Variants in HDAC11 observed in about 807,000 individuals in gnomAD.
The protein encoded by HDAC11 is histone deacetylase 11.
Under a neutral mutation model 41.1 loss-of-function variants are expected in HDAC11, and 23 were observed. The ratio of observed to expected loss-of-function variants is 0.56; its 90% CI spans 0.40 to 0.79. HDAC11 has a LOEUF of 0.79. Among genes scored for constraint, HDAC11 ranks in the 30% least tolerant of loss-of-function variants. HDAC11 has a pLI of 0.00. For missense variants in HDAC11, 402 were observed against 477.3 expected (o/e 0.84, Z 1.47); for synonymous variants, 187 against 186.6 (o/e 1.00, Z -0.02).
At chr3:13,503,134 G>T (rs957704017) in intron 8 of HDAC11, 154 bp downstream of exon 8, 50 of 547,308 alleles carry the variant, frequency 9.1e-5, no homozygotes, top group African/African-American at 8.7e-4. Flanking sequence ...TGAGGAAACC[G>T]AGACCTGGAG....
chr3:13,503,052 C>A, intron 8 of HDAC11, 72 bp downstream of exon 8: 1 of 1,115,784 alleles, frequency 9.0e-7, no homozygotes, highest in Non-Finnish European at 1.4e-6. Context: ...TGTCTCCTGT[C>A]TGCTAGGCCC....
At chr3:13,481,521 C>T (rs2124997330) in intron 2 of HDAC11, 127 bp downstream of exon 2, 2 of 1,040,764 alleles carry the variant, frequency 1.9e-6, no homozygotes, top group East Asian at 2.4e-5. Flanking sequence ...GGCCTTCCAC[C>T]CATGCTTCCG....
chr3:13,497,470 A>G (rs1007373968), intron 4 of HDAC11, among the ~76,000 whole-genome samples: 37 of 152,068 alleles, frequency 2.4e-4, no homozygotes, highest in African/African-American at 8.7e-4. Flanking sequence ...TTGAGCCACC[A>G]TGCCCAGCCC....
intron 3 of HDAC11, chr3:13,496,516 G>T: frequency 2.2e-6 from 1 of 455,626 alleles, no homozygotes; most frequent in East Asian, 4.1e-5. Context: ...TTTAAGAAAT[G>T]CATTGTGTAA....
At chr3:13,487,917 G>C (rs990992513) in intron 3 of HDAC11, among the ~76,000 whole-genome samples, 1 of 152,016 alleles carries the variant, frequency 6.6e-6, no homozygotes. Flanking sequence ...AAAGGGGTGG[G>C]GAGAGCTGGT....
chr3:13,500,244 C>T (rs1702293349), intron 5 of HDAC11, among the ~76,000 whole-genome samples: 1 of 152,072 alleles, frequency 6.6e-6, no homozygotes. Flanking sequence ...GAGGCTGTGT[C>T]TCAGGGTTGA....
In HDAC11 at chr3:13,481,281, A is replaced by G; in HGVS notation, c.38A>G (p.Glu13Gly). The change falls in exon 2 of 10, where the codon GAG (glutamate) becomes GGG (glycine). Residue 13 changes from glutamate (E) to glycine (G), a missense_variant. Glu to Gly is a moderately conservative substitution (Grantham distance 98, BLOSUM62 -2). Coordinates refer to ENST00000295757, the MANE Select transcript of HDAC11 (RefSeq NM_024827.4). ...ACCCAGCTGTACCAGCATGTGCCAGAGACACGCTGGCCAATCGTGTACTCG... is the reference window on the plus strand; with the variant it reads ...ACCCAGCTGTACCAGCATGTGCCAGGGACACGCTGGCCAATCGTGTACTCG... The part of the protein sequence containing the change: ...HTTQLYQHVP[E>G]TRWPIVYSPR... The G allele has an allele frequency of 6.2e-7, 1 of 1,612,666 alleles. No individual in the cohort carries two copies. Among genetic ancestry groups the G allele is most frequent in the Middle Eastern group, 2.1e-4 (1 of 4,854 alleles).
intron 5 of HDAC11, 66 bp downstream of exon 5, chr3:13,498,621 TGG>T (rs1702218570): frequency 1.6e-6 from 1 of 640,494 alleles, no homozygotes; most frequent in African/African-American, 1.9e-5. Context: ...GAAAGGGGGC[TGG>T]GGGAGGGCGG....
chr3:13,482,092 A>G (rs1574882601), intron 2 of HDAC11, among the ~76,000 whole-genome samples: 1 of 152,338 alleles, frequency 6.6e-6, no homozygotes, highest in South Asian at 2.1e-4. Context: ...TTAGTGGCTG[A>G]AGTAACACAG....
chr3:13,503,545 CAA>C (rs1480106435), intron 8 of HDAC11, among the ~76,000 whole-genome samples: 2 of 152,254 alleles, frequency 1.3e-5, no homozygotes, highest in African/African-American at 4.8e-5. Context: ...GCTTGGGCAA[CAA>C]GAGCGAAACT....
intron 3 of HDAC11, among the ~76,000 whole-genome samples, chr3:13,490,721 A>G (rs1701813015): frequency 7.1e-6 from 1 of 140,930 alleles, no homozygotes; most frequent in East Asian, 2.1e-4. Context: ...AACTTTGCTG[A>G]ATTTGTTTCT....
chr3:13,490,069 C>T (rs1457046521), intron 3 of HDAC11, among the ~76,000 whole-genome samples: 1 of 152,014 alleles, frequency 6.6e-6, no homozygotes, highest in Non-Finnish European at 1.5e-5. Context: ...TCTCGGCTCA[C>T]TGCAACCTCC....
rs1213318444 is a variant in HDAC11 at position 13,502,847 on chromosome 3, C to T, written c.553-37C>T. On this transcript the variant is annotated intron_variant, in intron 7 of 9. Transcript: ENST00000295757. The surrounding 1 kb of genome is among the most constrained non-coding windows in gnomAD (Gnocchi z 4.1). The stretch of plus-strand genomic sequence containing the variant: ...GGCAGAGCCCCAGCCTTGCCTAGGG[C>T]ACCTACCCGAGAGCGGCTACTGTGA... The T allele has an allele frequency of 6.4e-7, 1 of 1,558,898 alleles. No homozygotes were observed. The highest frequency in any genetic ancestry group is 1.4e-5 in the African/African-American group (1 of 73,812).
Position 13,500,796 on chromosome 3 carries a change from C to G in HDAC11, c.489+7C>G. ...CATCACGCTCGCCATCAAGGTGTGTCTATGAGCAAGTGGGGTCTCGCCTCC... is the reference window on the plus strand; with the variant it reads ...CATCACGCTCGCCATCAAGGTGTGTGTATGAGCAAGTGGGGTCTCGCCTCC... On this transcript the variant is annotated splice_region_variant and intron_variant, in intron 6 of 9. Transcript: ENST00000295757. The G allele has an allele frequency of 6.5e-7, 1 of 1,537,626 alleles. No individual in the cohort carries two copies. The highest frequency in any genetic ancestry group is 2.4e-5 in the East Asian group (1 of 41,900).
chr3:13,497,719 A>G (rs1462018131), intron 4 of HDAC11, among the ~76,000 whole-genome samples: 1 of 152,028 alleles, frequency 6.6e-6, no homozygotes, highest in African/African-American at 2.4e-5. Context: ...ATCACTACCT[A>G]CTGATCCCCT....
intron 3 of HDAC11, 110 bp downstream of exon 3, chr3:13,483,674 C>T: frequency 1.3e-6 from 1 of 778,104 alleles, no homozygotes; most frequent in Non-Finnish European, 2.3e-6. Flanking sequence ...TCTCACAGGG[C>T]ACCCATTCAT....
chr3:13,498,396 C>A (rs1033426227), intron 4 of HDAC11, 117 bp from the exon 5 acceptor site: 1 of 1,295,888 alleles, frequency 7.7e-7, no homozygotes, highest in Non-Finnish European at 1.1e-6. Context: ...TAGCTCAGCT[C>A]ATCCTTCCCC....
Position 13,480,821 on chromosome 3 carries a change from C to G in HDAC11, c.3-425C>G, listed in dbSNP as rs1701280554. 4.9e-6 allele frequency: 2 copies of G among 408,526 alleles called. No individual in the cohort carries two copies. Among genetic ancestry groups the G allele is most frequent in the Non-Finnish European group, 1.0e-5 (2 of 195,912 alleles). The allele number at this position is 408,526 out of a possible 1,614,324, so 25.3% of individuals were successfully genotyped here. A position where few individuals can be genotyped will look rare whatever the true frequency, so the allele number is the denominator to read the frequency against. On this transcript the variant is annotated intron_variant, in intron 1 of 9. Coordinates refer to ENST00000295757, the MANE Select transcript of HDAC11 (RefSeq NM_024827.4). The surrounding 1 kb of genome is among the most constrained non-coding windows in gnomAD (Gnocchi z 4.6). ...TGAGTGCTTACTGTGCTCAGCTCCTCAGTTGCATTCTCTGAGTCCTCACAA... is the reference window on the plus strand; with the variant it reads ...TGAGTGCTTACTGTGCTCAGCTCCTGAGTTGCATTCTCTGAGTCCTCACAA...
chr3:13,483,454 G>T lies in HDAC11; in HGVS notation c.152-10G>T. ...AGTGGGGAAGCAGGATGCTCCCTCT[G>T]TGGTTTCAGAAGAGAAGCTTCTGTC... On this transcript the variant is annotated splice_polypyrimidine_tract_variant and intron_variant, in intron 2 of 9. Coordinates refer to ENST00000295757, the MANE Select transcript of HDAC11 (RefSeq NM_024827.4). The T allele has an allele frequency of 6.2e-7, 1 of 1,613,026 alleles. No homozygotes were observed. The highest frequency in any genetic ancestry group is 8.5e-7 in the Non-Finnish European group (1 of 1,179,046).
Sources: gnomAD v4.1 joint callset for allele counts (sites outside exome capture counted in the v4.1 genomes callset) on GRCh38, gnomAD v4.1.1 for gene constraint, Gnocchi (gnomAD v3.1) non-coding constraint, MANE v1.5 for transcripts, NCBI Gene and HGNC (gene_info 2026-07-23, HGNC 2026-07-21) for gene names.